COL22A1: variants seen among roughly 807,000 people sequenced by gnomAD.
The protein encoded by COL22A1 is collagen alpha-1(XXII) chain.
In COL22A1, 221 loss-of-function variants were observed where a neutral mutation model predicts 248.9. The observed-to-expected ratio is 0.89, with a 90% confidence interval of 0.80 to 0.99. COL22A1 has a LOEUF of 0.99. Among genes scored for constraint, COL22A1 ranks in the 50% least tolerant of loss-of-function variants. The pLI is 0.00. For synonymous variants in COL22A1, 891 were observed against 793.4 expected, an observed-to-expected ratio of 1.12 and a Z score of -2.07; for missense variants, 2,240 against 2,179.0, an observed-to-expected ratio of 1.03 and a Z score of -0.56.
rs571200197 is a variant in COL22A1 at position 138,636,425 on chromosome 8, T to A, written c.3555+317A>T. ...GGGAATTTTTTAATGAGTGTCCATT[T>A]CAGTGAAAAAAAAAGTAAAGGTAAA... On this transcript the variant is annotated intron_variant, in intron 48 of 64. Transcript: ENST00000303045. 2.0e-5 allele frequency among the ~76,000 whole-genome samples: 3 copies of A among 146,630 alleles called. No individual in the cohort carries two copies. The South Asian group carries it at 6.5e-4, about 32-fold the overall frequency.
At chr8:138,677,269 A>T (rs1825634622) in intron 40 of COL22A1, among the ~76,000 whole-genome samples, 1 of 152,198 alleles carries the variant, frequency 6.6e-6, no homozygotes, top group Non-Finnish European at 1.5e-5. Flanking sequence ...CCTCACCTAC[A>T]AGGGGAACAG....
At chr8:138,683,824 G>A (rs1305852230) in intron 39 of COL22A1, among the ~76,000 whole-genome samples, 1 of 152,168 alleles carries the variant, frequency 6.6e-6, no homozygotes, top group Non-Finnish European at 1.5e-5. Flanking sequence ...GTACCACAAT[G>A]AGACTCATAA....
chr8:138,660,964 G>C (rs368324453), intron 43 of COL22A1, among the ~76,000 whole-genome samples: 1 of 123,086 alleles, frequency 8.1e-6, no homozygotes, highest in African/African-American at 3.9e-5. Flanking sequence ...AGACACACAC[G>C]CACACACACA....
At chr8:138,673,870 C>T (rs559633458) in intron 41 of COL22A1, among the ~76,000 whole-genome samples, 1 of 152,168 alleles carries the variant, frequency 6.6e-6, no homozygotes, top group African/African-American at 2.4e-5. Context: ...TTCTGGGAGT[C>T]GACTCCCCAG....
At chr8:138,628,992 C>T (rs894436641) in intron 50 of COL22A1, among the ~76,000 whole-genome samples, 2 of 131,144 alleles carry the variant, frequency 1.5e-5, no homozygotes, top group Admixed American at 8.3e-5. Flanking sequence ...AACTCCTGAC[C>T]TCAAGTGTTC....
At chr8:138,608,886 T>A (rs1683469949) in intron 56 of COL22A1, among the ~76,000 whole-genome samples, 1 of 152,184 alleles carries the variant, frequency 6.6e-6, no homozygotes, top group Admixed American at 6.5e-5. Context: ...GCCTTGTCGT[T>A]CTTTGGATTT....
intron 22 of COL22A1, among the ~76,000 whole-genome samples, chr8:138,743,324 GT>G (rs2131298021): frequency 6.6e-6 from 1 of 151,694 alleles, no homozygotes; most frequent in African/African-American, 2.4e-5. Context: ...GGTGATGGTG[GT>G]AGTGATTGTG....
intron 12 of COL22A1, among the ~76,000 whole-genome samples, chr8:138,785,322 C>T (rs1314651284): frequency 6.6e-6 from 1 of 152,246 alleles, no homozygotes; most frequent in Non-Finnish European, 1.5e-5. Flanking sequence ...GCTCCAACCC[C>T]TACCTGCCTC....
At chr8:138,775,171 C>A (rs967092098) in intron 16 of COL22A1, among the ~76,000 whole-genome samples, 4 of 152,190 alleles carry the variant, frequency 2.6e-5, no homozygotes, top group Non-Finnish European at 5.9e-5. Flanking sequence ...GGCCTAGCCC[C>A]AGCTCTTGGG....
intron 23 of COL22A1, among the ~76,000 whole-genome samples, chr8:138,727,502 G>A (rs550015221): frequency 1.4e-4 from 21 of 152,304 alleles, no homozygotes; most frequent in African/African-American, 5.1e-4. Context: ...CCTGAATTGA[G>A]CCAGAAGCCG....
intron 47 of COL22A1, among the ~76,000 whole-genome samples, chr8:138,642,529 G>C (rs931134192): frequency 3.9e-5 from 6 of 152,126 alleles, no homozygotes; most frequent in East Asian, 1.9e-4. Context: ...ACTAATTGTT[G>C]TTCTTTTTTT....
At chr8:138,770,158 C>G (rs1199114363) in intron 16 of COL22A1, among the ~76,000 whole-genome samples, 1 of 152,162 alleles carries the variant, frequency 6.6e-6, no homozygotes, top group African/African-American at 2.4e-5. Flanking sequence ...CATTTTGAGG[C>G]CCCTCCTTGC....
At chr8:138,762,888 C>A (rs1371420070) in intron 16 of COL22A1, among the ~76,000 whole-genome samples, 1 of 152,210 alleles carries the variant, frequency 6.6e-6, no homozygotes, top group Non-Finnish European at 1.5e-5. Flanking sequence ...ACATCCCCAG[C>A]ACTCAACATA....
chr8:138,840,432 A>G (rs185779249), intron 4 of COL22A1, among the ~76,000 whole-genome samples: 7 of 152,182 alleles, frequency 4.6e-5, no homozygotes, highest in African/African-American at 7.2e-5. Context: ...AGGAGGGCCC[A>G]TAATAGAGGG....
At chr8:138,884,762 CAT>C (rs1824517283) in intron 1 of COL22A1, among the ~76,000 whole-genome samples, 1 of 152,150 alleles carries the variant, frequency 6.6e-6, no homozygotes, top group Non-Finnish European at 1.5e-5. Context: ...ACATAAAAAA[CAT>C]GTGGCAGGGG....
chr8:138,862,143 A>G (rs910461240), intron 3 of COL22A1, among the ~76,000 whole-genome samples: 7 of 151,928 alleles, frequency 4.6e-5, no homozygotes, highest in Non-Finnish European at 1.0e-4. Flanking sequence ...GCTTGAACCC[A>G]GGAGGTGAAG....
chr8:138,836,859 T>C (rs896413801), intron 4 of COL22A1, among the ~76,000 whole-genome samples: 1 of 152,280 alleles, frequency 6.6e-6, no homozygotes, highest in Admixed American at 6.5e-5. Context: ...TGCTGGGAGA[T>C]GGGAGTTAAC....
intron 50 of COL22A1, among the ~76,000 whole-genome samples, chr8:138,628,513 G>T (rs1352627450): frequency 6.6e-6 from 1 of 152,098 alleles, no homozygotes; most frequent in African/African-American, 2.4e-5. Flanking sequence ...TCCAGCCTCC[G>T]CAACAAGAGT....
At chr8:138,725,338 A>G in intron 24 of COL22A1, 49 bp downstream of exon 24, 1 of 1,587,816 alleles carries the variant, frequency 6.3e-7, no homozygotes, top group Non-Finnish European at 8.7e-7. Context: ...CCCACAGGCC[A>G]GGAAACCACC....
Sources: allele counts gnomAD v4.1 joint callset (sites outside exome capture counted in the v4.1 genomes callset), GRCh38; gene constraint gnomAD v4.1.1; transcripts MANE v1.5; gene names NCBI Gene and HGNC (gene_info 2026-07-23, HGNC 2026-07-21).